Variants in RBFOX1 observed in about 807,000 individuals in gnomAD.
RBFOX1 encodes the protein RNA binding fox-1 homolog 1.
Under a neutral mutation model 57.7 loss-of-function variants are expected in RBFOX1, and 8 were observed. The ratio of observed to expected loss-of-function variants is 0.14; its 90% confidence interval spans 0.08 to 0.25. The LOEUF (loss-of-function observed/expected upper bound fraction) is 0.25, where lower values mean the gene tolerates loss of function less well. Among genes scored for constraint, RBFOX1 ranks in the 10% least tolerant of loss-of-function variants. The pLI, the probability that RBFOX1 is intolerant of heterozygous loss-of-function variation, is 1.00. For synonymous variants in RBFOX1, 326 were observed against 222.4 expected (o/e 1.47, Z -4.15); for missense variants, 611 against 548.5 (o/e 1.11, Z -1.14).
intron 4 of RBFOX1, among the ~76,000 whole-genome samples, chr16:7,341,689 TCCTACCTTCCTTCCTTCCTTCCTTCCTTC>T (rs2096894102): frequency 6.6e-6 from 1 of 150,932 alleles, no homozygotes; most frequent in East Asian, 2.0e-4. Context: ...AGAACAATGG[TCCTACCTTCCTTCCTTCCTTCCTTCCTTC>T]CCTCCCTCCC....
At chr16:7,102,522 A>C (rs1297630616) in intron 4 of RBFOX1, among the ~76,000 whole-genome samples, 1 of 152,204 alleles carries the variant, frequency 6.6e-6, no homozygotes, top group Non-Finnish European at 1.5e-5. Context: ...TGATGTGCTT[A>C]CTGCTTCATT....
chr16:5,583,975 C>T (rs138525861), intron 2 of RBFOX1, among the ~76,000 whole-genome samples: 130 of 152,290 alleles, frequency 8.5e-4, no homozygotes, highest in African/African-American at 3.1e-3. Context: ...AAGGCTGTGC[C>T]AGCCATTCCT....
chr16:6,747,816 C>T (rs2074076649), intron 3 of RBFOX1, among the ~76,000 whole-genome samples: 1 of 152,140 alleles, frequency 6.6e-6, no homozygotes, highest in South Asian at 2.1e-4. Context: ...GACATATCCT[C>T]AGTCCCTACC....
At chr16:6,559,941 A>C (rs1325431886) in intron 2 of RBFOX1, among the ~76,000 whole-genome samples, 1 of 152,142 alleles carries the variant, frequency 6.6e-6, no homozygotes, top group Non-Finnish European at 1.5e-5. Flanking sequence ...TGCAGGAAGA[A>C]AGACTGATGT....
intron 4 of RBFOX1, among the ~76,000 whole-genome samples, chr16:7,262,795 C>A (rs1030155744): frequency 6.6e-6 from 1 of 152,218 alleles, no homozygotes; most frequent in East Asian, 1.9e-4. Context: ...CTCAGGAATC[C>A]AATTCTTTTT....
intron 1 of RBFOX1, among the ~76,000 whole-genome samples, chr16:5,434,811 C>A (rs919775312): frequency 1.1e-4 from 17 of 152,088 alleles, no homozygotes; most frequent in Admixed American, 3.9e-4. Context: ...ATCATTTATT[C>A]TCTTGGTTAC....
intron 3 of RBFOX1, among the ~76,000 whole-genome samples, chr16:6,715,460 T>TTCC (rs2064608865): frequency 6.6e-6 from 1 of 152,120 alleles, no homozygotes; most frequent in African/African-American, 2.4e-5. Flanking sequence ...GATTGCCAAG[T>TTCC]TTATAATTGG....
intron 1 of RBFOX1, among the ~76,000 whole-genome samples, chr16:6,108,279 G>T (rs1410569832): frequency 1.3e-5 from 2 of 152,072 alleles, no homozygotes; most frequent in African/African-American, 4.8e-5. Flanking sequence ...ATAGAAGAGG[G>T]CCCCGGAATC....
chr16:6,042,160 G>A (rs913839399), intron 1 of RBFOX1, among the ~76,000 whole-genome samples: 1 of 151,558 alleles, frequency 6.6e-6, no homozygotes, highest in Non-Finnish European at 1.5e-5. Flanking sequence ...GAGTGCAGTG[G>A]TGCCATCTCG....
At chr16:7,155,736 T>TACACACACACACACAC (rs1476111320) in intron 4 of RBFOX1, among the ~76,000 whole-genome samples, 29 of 83,376 alleles carry the variant, frequency 3.5e-4, no homozygotes, top group Non-Finnish European at 4.8e-4. Context: ...TATATATATA[T>TACACACACACACACAC]ATACACACAC....
intron 4 of RBFOX1, among the ~76,000 whole-genome samples, chr16:5,922,337 C>T (rs1006324300): frequency 1.3e-5 from 2 of 152,078 alleles, no homozygotes; most frequent in African/African-American, 2.4e-5. Context: ...GTAAAGGGGA[C>T]AAACATCTAA....
intron 1 of RBFOX1, among the ~76,000 whole-genome samples, chr16:5,334,781 C>T (rs922777642): frequency 7.9e-5 from 12 of 151,254 alleles, no homozygotes; most frequent in Admixed American, 3.3e-4. Context: ...GATGGCCAAC[C>T]GTGGTCATTG....
chr16:6,491,203 A>C (rs1434690547), intron 2 of RBFOX1, among the ~76,000 whole-genome samples: 1 of 151,612 alleles, frequency 6.6e-6, no homozygotes, highest in Non-Finnish European at 1.5e-5. Context: ...TATAAACTAT[A>C]TATAGATATA....
At chr16:7,330,130 T>C (rs545424330) in intron 4 of RBFOX1, among the ~76,000 whole-genome samples, 5 of 152,268 alleles carry the variant, frequency 3.3e-5, no homozygotes, top group African/African-American at 9.6e-5. Context: ...TATACAGTCA[T>C]CCCTCAATAT....
intron 10 of RBFOX1, among the ~76,000 whole-genome samples, chr16:7,624,909 T>C (rs1021760690): frequency 1.4e-4 from 21 of 151,664 alleles, no homozygotes; most frequent in Middle Eastern, 3.4e-3. Context: ...ACACGTGGAG[T>C]GGTTTTAAGG....
At chr16:5,452,050 G>T (rs1360146976) in intron 1 of RBFOX1, among the ~76,000 whole-genome samples, 2 of 151,016 alleles carry the variant, frequency 1.3e-5, no homozygotes, top group Admixed American at 6.6e-5. Context: ...CTAGGTTAAT[G>T]CCATCCCCAT....
At chr16:6,910,096 G>C (rs1376631301) in intron 3 of RBFOX1, among the ~76,000 whole-genome samples, 2 of 152,138 alleles carry the variant, frequency 1.3e-5, no homozygotes, top group East Asian at 1.9e-4. Context: ...TCCCACCCTG[G>C]ACCACGGAAA....
At chr16:5,493,350 A>G (rs544831924) in intron 2 of RBFOX1, among the ~76,000 whole-genome samples, 1 of 152,260 alleles carries the variant, frequency 6.6e-6, no homozygotes, top group African/African-American at 2.4e-5. Context: ...ATGACCCACC[A>G]TGCTTGTCTG....
chr16:6,023,972 A>G (rs2152364253), intron 1 of RBFOX1, among the ~76,000 whole-genome samples: 1 of 152,346 alleles, frequency 6.6e-6, no homozygotes, highest in South Asian at 2.1e-4. Flanking sequence ...AGATGATGTC[A>G]ACTGTGAACA....
Sources: gnomAD v4.1 joint callset for allele counts (sites outside exome capture counted in the v4.1 genomes callset) on GRCh38, gnomAD v4.1.1 for gene constraint, MANE v1.5 for transcripts, NCBI Gene and HGNC (gene_info 2026-07-23, HGNC 2026-07-21) for gene names.